MSI2: variants seen among roughly 807,000 people sequenced by gnomAD.
MSI2 encodes the protein musashi RNA binding protein 2, also known as RNA-binding protein Musashi homolog 2.
MSI2 carries 17 observed loss-of-function variants against 45.6 expected under a neutral mutation model. The observed-to-expected ratio is 0.37, with a 90% CI of 0.26 to 0.56. The LOEUF is 0.56. MSI2 is among the 20% of genes least tolerant of loss of function. MSI2 has a pLI of 0.77. For missense variants in MSI2, 293 were observed against 444.2 expected (o/e 0.66, Z 3.06); for synonymous variants, 156 against 158.2 (o/e 0.99, Z 0.11).
intron 6 of MSI2, among the ~76,000 whole-genome samples, chr17:57,497,059 C>A (rs1448589084): frequency 1.3e-5 from 2 of 152,160 alleles, no homozygotes; most frequent in East Asian, 1.9e-4. Flanking sequence ...CTCACTGCAA[C>A]CTCTGCCTCC....
At chr17:57,516,191 A>G (rs1247112421) in intron 6 of MSI2, among the ~76,000 whole-genome samples, 16 of 152,190 alleles carry the variant, frequency 1.1e-4, no homozygotes, top group Admixed American at 1.0e-3. Flanking sequence ...GTTTCTCCTT[A>G]ATAGTTACAC....
chr17:57,675,661 C>T (rs534262662), intron 12 of MSI2, among the ~76,000 whole-genome samples: 18 of 152,134 alleles, frequency 1.2e-4, no homozygotes, highest in Admixed American at 1.0e-3. Context: ...CCAGTGGCAG[C>T]GCTGGAGCCC....
chr17:57,330,346 G>A (rs867061290), intron 5 of MSI2, among the ~76,000 whole-genome samples: 17 of 150,400 alleles, frequency 1.1e-4, no homozygotes, highest in African/African-American at 2.2e-4. Flanking sequence ...GTGCAGTGGC[G>A]TGATCTCTGC....
chr17:57,491,829 C>T (rs1432480818), intron 6 of MSI2, among the ~76,000 whole-genome samples: 1 of 152,208 alleles, frequency 6.6e-6, no homozygotes, highest in East Asian at 1.9e-4. Context: ...TTCATTCAAC[C>T]TTTCTAGCCT....
At chr17:57,409,749 C>G (rs143922901) in intron 6 of MSI2, among the ~76,000 whole-genome samples, 1,920 of 152,226 alleles carry the variant, frequency 0.013, 52 homozygotes, top group African/African-American at 0.044. Context: ...TGGCTCACGC[C>G]TGTAATCCCA....
At chr17:57,290,274 T>C (rs955815270) in intron 5 of MSI2, among the ~76,000 whole-genome samples, 9 of 152,176 alleles carry the variant, frequency 5.9e-5, no homozygotes, top group African/African-American at 2.2e-4. Flanking sequence ...CATCCTTAAT[T>C]ATATTATCAT....
intron 6 of MSI2, among the ~76,000 whole-genome samples, chr17:57,432,229 T>G (rs1322567266): frequency 6.6e-6 from 1 of 152,160 alleles, no homozygotes; most frequent in Non-Finnish European, 1.5e-5. Context: ...TCCTTGTCTG[T>G]GACGTAGAGG....
chr17:57,375,320 C>A (rs1037087390), intron 5 of MSI2, among the ~76,000 whole-genome samples: 1 of 152,180 alleles, frequency 6.6e-6, no homozygotes, highest in African/African-American at 2.4e-5. Flanking sequence ...CCGCACTTCC[C>A]CCGTGGCTGT....
chr17:57,433,104 C>G (rs1157893978), intron 6 of MSI2, among the ~76,000 whole-genome samples: 1 of 152,166 alleles, frequency 6.6e-6, no homozygotes, highest in South Asian at 2.1e-4. Context: ...TGCCACCTCC[C>G]TTTCGAGAAA....
chr17:57,676,257 G>A (rs1173064929), intron 12 of MSI2, among the ~76,000 whole-genome samples: 1 of 151,796 alleles, frequency 6.6e-6, no homozygotes, highest in African/African-American at 2.4e-5. Flanking sequence ...CACGCACACA[G>A]ACATGCACGC....
intron 6 of MSI2, among the ~76,000 whole-genome samples, chr17:57,469,583 A>G (rs1333200220): frequency 6.6e-6 from 1 of 152,192 alleles, no homozygotes; most frequent in African/African-American, 2.4e-5. Flanking sequence ...CCCAGGGGTC[A>G]CCTTTTGGCT....
At chr17:57,338,804 C>T (rs1280533684) in intron 5 of MSI2, among the ~76,000 whole-genome samples, 1 of 152,196 alleles carries the variant, frequency 6.6e-6, no homozygotes, top group Non-Finnish European at 1.5e-5. Context: ...GCAGGGACTG[C>T]CCTGCCTCCC....
In MSI2 at chr17:57,680,306, T is replaced by C. The variant is rs1913522989; in HGVS notation, c.*789T>C. The C allele has an allele frequency of 4.4e-6, 1 of 226,468 alleles. No individual in the cohort carries two copies. 14.0% of individuals were successfully genotyped at this position (226,468 alleles called of 1,614,324 possible). A position where few individuals can be genotyped will look rare whatever the true frequency, so the allele number is the denominator to read the frequency against. On this transcript the variant is annotated 3_prime_UTR_variant, in exon 14 of 14. Transcript: ENST00000284073. ...TTTTTTTCTGTTGAAAGAGGTGATA[T>C]TATAAGGTTTTTTGAAATTGTGAAT...
chr17:57,291,871 C>T (rs1026349016), intron 5 of MSI2, among the ~76,000 whole-genome samples: 5 of 152,036 alleles, frequency 3.3e-5, no homozygotes, highest in African/African-American at 4.8e-5. Flanking sequence ...TGAATGTGCC[C>T]GATCTCATCT....
chr17:57,542,059 G>T lies in MSI2; in HGVS notation c.454+12335G>T, dbSNP rs151145782. Among the ~76,000 whole-genome samples the T allele has an allele frequency of 7.0e-4, 107 of 152,220 alleles. 1 individual carries two copies. In the East Asian group the frequency reaches 0.02, roughly 29 times the overall value. Reference sequence around the variant, plus strand: ...ACTCTGCTTTCCACTGCCGCTGGAGGTGACATCATCTATTCGGGACCCAGA... The same window carrying T: ...ACTCTGCTTTCCACTGCCGCTGGAGTTGACATCATCTATTCGGGACCCAGA... On this transcript the variant is annotated intron_variant, in intron 7 of 13. Coordinates refer to ENST00000284073, the MANE Select transcript of MSI2 (RefSeq NM_138962.4).
intron 8 of MSI2, among the ~76,000 whole-genome samples, chr17:57,597,259 C>T (rs912104315): frequency 2.0e-5 from 3 of 152,032 alleles, no homozygotes; most frequent in Non-Finnish European, 4.4e-5. Flanking sequence ...TTCAATAAAG[C>T]TTTGTTTATG....
chr17:57,303,997 G>A (rs1034188248), intron 5 of MSI2, among the ~76,000 whole-genome samples: 45 of 152,172 alleles, frequency 3.0e-4, no homozygotes, highest in Non-Finnish European at 5.1e-4. Context: ...GTCTTGGAGG[G>A]AAGGAGCAGG....
intron 6 of MSI2, among the ~76,000 whole-genome samples, chr17:57,418,720 T>C (rs897473802): frequency 1.3e-5 from 2 of 152,234 alleles, no homozygotes; most frequent in African/African-American, 4.8e-5. Flanking sequence ...GGAACTTTTA[T>C]GCAGCTTTAT....
intron 5 of MSI2, among the ~76,000 whole-genome samples, chr17:57,271,763 T>C (rs1197858229): frequency 6.6e-6 from 1 of 151,336 alleles, no homozygotes; most frequent in Non-Finnish European, 1.5e-5. Flanking sequence ...TTTTTTTTTT[T>C]TTTTAAGCTG....
Sources: gnomAD v4.1 joint callset for allele counts (sites outside exome capture counted in the v4.1 genomes callset) on GRCh38, gnomAD v4.1.1 for gene constraint, MANE v1.5 for transcripts, NCBI Gene and HGNC (gene_info 2026-07-23, HGNC 2026-07-21) for gene names.